The following RORA variants were observed in gnomAD, a reference collection of about 807,000 sequenced individuals.
The protein encoded by RORA is RAR related orphan receptor A.
A neutral mutation model predicts 69.5 loss-of-function variants in RORA; 7 were observed. That is an observed-to-expected ratio of 0.10 (90% CI 0.06 to 0.19). The LOEUF (loss-of-function observed/expected upper bound fraction) is 0.19. RORA is among the 10% of genes least tolerant of loss of function. The pLI, the probability that RORA is intolerant of heterozygous loss-of-function variation, is 1.00. For missense variants in RORA, 457 were observed against 663.0 expected (o/e 0.69, Z 3.41); for synonymous variants, 261 against 240.8 (o/e 1.08, Z -0.78).
intron 1 of RORA, among the ~76,000 whole-genome samples, chr15:61,154,832 G>A (rs754920996): frequency 3.9e-5 from 6 of 152,112 alleles, no homozygotes; most frequent in East Asian, 1.9e-4. Flanking sequence ...CACTGACACC[G>A]TCGGCTGGCT....
intron 1 of RORA, among the ~76,000 whole-genome samples, chr15:60,937,666 G>T (rs573472350): frequency 8.5e-5 from 13 of 152,284 alleles, no homozygotes; most frequent in Admixed American, 3.3e-4. Flanking sequence ...AGACAGTAAG[G>T]TGCAGTGGAG....
At chr15:61,064,462 C>T (rs1203363823) in intron 1 of RORA, among the ~76,000 whole-genome samples, 2 of 152,192 alleles carry the variant, frequency 1.3e-5, no homozygotes, top group South Asian at 2.1e-4. Context: ...TAACCTACTA[C>T]TCCCACACAA....
chr15:60,535,344 A>T (rs115692395), intron 2 of RORA, among the ~76,000 whole-genome samples: 2 of 152,190 alleles, frequency 1.3e-5, no homozygotes, highest in Non-Finnish European at 2.9e-5. Flanking sequence ...GAAAAATTCT[A>T]ATTTGCCCAC....
At chr15:61,073,840 C>T (rs1388680125) in intron 1 of RORA, among the ~76,000 whole-genome samples, 2 of 152,162 alleles carry the variant, frequency 1.3e-5, no homozygotes, top group Non-Finnish European at 2.9e-5. Flanking sequence ...AATGTTTTGG[C>T]ACCCTAAATG....
intron 1 of RORA, among the ~76,000 whole-genome samples, chr15:60,930,017 C>G (rs1364171996): frequency 1.3e-5 from 2 of 152,156 alleles, no homozygotes; most frequent in African/African-American, 4.8e-5. Context: ...ATTTGTGTTA[C>G]TTAATACTGC....
At chr15:60,665,692 CTTTCT>C (rs1474070621) in intron 2 of RORA, among the ~76,000 whole-genome samples, 1 of 152,114 alleles carries the variant, frequency 6.6e-6, no homozygotes, top group Non-Finnish European at 1.5e-5. Flanking sequence ...CCTATTCTTT[CTTTCT>C]TTTCTTTTTT....
At chr15:60,765,151 A>T (rs2071966734) in intron 1 of RORA, 1 of 152,048 alleles carries the variant, frequency 6.6e-6, no homozygotes, top group Non-Finnish European at 1.5e-5. Flanking sequence ...GCCCATTTCT[A>T]ATTCCCCCTT....
chr15:60,511,684 G>A lies in RORA; in HGVS notation c.425-63C>T, dbSNP rs1170263226. On this transcript the variant is annotated intron_variant, in intron 4 of 10. Transcript: ENST00000335670. This position sits in a 1 kb window ranked among gnomAD's most constrained non-coding sequence, Gnocchi z 6.4. ...GCTTTTCTTCAATATTCTCTCCTGCGAGCTTTGGGGTTTCCTTTGAAGTCT... is the reference window on the plus strand; with the variant it reads ...GCTTTTCTTCAATATTCTCTCCTGCAAGCTTTGGGGTTTCCTTTGAAGTCT... 12 of 1,485,954 alleles carry A rather than the reference G, an allele frequency of 8.1e-6. No homozygotes were observed. Among genetic ancestry groups the A allele is most frequent in the African/African-American group, 1.4e-5 (1 of 70,856 alleles). 92.0% of individuals were successfully genotyped at this position (1,485,954 alleles called of 1,614,324 possible).
At chr15:61,107,602 C>T (rs782919) in intron 1 of RORA, among the ~76,000 whole-genome samples, 42,181 of 151,076 alleles carry the variant, frequency 0.28, 6,358 homozygotes, top group South Asian at 0.38. Context: ...CTCAAGCACT[C>T]TGGAAGCACC....
intron 2 of RORA, among the ~76,000 whole-genome samples, chr15:60,626,897 C>T (rs892461807): frequency 2.0e-5 from 3 of 152,186 alleles, no homozygotes; most frequent in South Asian, 2.1e-4. Context: ...GAGGGATTCA[C>T]GACCTTCTCC....
intron 1 of RORA, among the ~76,000 whole-genome samples, chr15:60,996,170 AAGTGATTCTCC>A (rs896011828): frequency 6.6e-6 from 1 of 151,864 alleles, no homozygotes; most frequent in African/African-American, 2.4e-5. Context: ...TCCCAGGTTC[AAGTGATTCTCC>A]AGCCTCAGAC....
chr15:60,891,820 C>T (rs1426542068), intron 1 of RORA, among the ~76,000 whole-genome samples: 1 of 152,200 alleles, frequency 6.6e-6, no homozygotes, highest in African/African-American at 2.4e-5. Context: ...AATCCTTTCT[C>T]CCTTCTCCTA....
chr15:60,717,328 G>T (rs939028854), intron 1 of RORA, among the ~76,000 whole-genome samples: 2 of 152,192 alleles, frequency 1.3e-5, no homozygotes, highest in African/African-American at 4.8e-5. Context: ...GTAGATAAAT[G>T]AGAGAATGTA....
At chr15:60,734,491 T>C (rs528204076) in intron 1 of RORA, among the ~76,000 whole-genome samples, 1 of 152,330 alleles carries the variant, frequency 6.6e-6, no homozygotes, top group East Asian at 1.9e-4. Flanking sequence ...GAGATTTGAG[T>C]CTGCTCTCTC....
Position 61,226,946 on chromosome 15 carries a change from A to C in RORA, c.166+2107T>G, listed in dbSNP as rs1195740437. On this transcript the variant is annotated intron_variant, in intron 1 of 10. Coordinates refer to ENST00000335670, the MANE Select transcript of RORA (RefSeq NM_134261.3). This position sits in a 1 kb window ranked among gnomAD's most constrained non-coding sequence, Gnocchi z 4.2. ...GTGCAAGATGTATCCCACTCCTACT[A>C]TGCCCCTCTCCCCTTTTTGCTGAGC... Among the ~76,000 whole-genome samples the C allele has an allele frequency of 6.6e-6, 1 of 151,986 alleles. No individual in the cohort carries two copies. The highest frequency in any genetic ancestry group is 1.5e-5 in the Non-Finnish European group (1 of 67,978).
intron 1 of RORA, among the ~76,000 whole-genome samples, chr15:60,870,664 C>T (rs909650153): frequency 4.6e-5 from 7 of 152,194 alleles, no homozygotes; most frequent in South Asian, 2.1e-4. Flanking sequence ...ACCTACTTGG[C>T]GTCACAAAAG....
chr15:60,746,229 G>C (rs1325230862), intron 1 of RORA, among the ~76,000 whole-genome samples: 3 of 152,124 alleles, frequency 2.0e-5, no homozygotes, highest in African/African-American at 7.2e-5. Flanking sequence ...CATCCCAAAA[G>C]GTGTTAAGTT....
chr15:60,644,154 T>C (rs947441458), intron 2 of RORA, among the ~76,000 whole-genome samples: 3 of 152,222 alleles, frequency 2.0e-5, no homozygotes, highest in Admixed American at 2.0e-4. Flanking sequence ...ACATTTCTTA[T>C]ACAGGCAGCA....
At chr15:61,215,442 A>G (rs556311436) in intron 1 of RORA, among the ~76,000 whole-genome samples, 2 of 152,324 alleles carry the variant, frequency 1.3e-5, no homozygotes, top group East Asian at 1.9e-4. Flanking sequence ...GTTCTCAGAC[A>G]TGGTAATAAG....
Sources: gnomAD v4.1 joint callset for allele counts (sites outside exome capture counted in the v4.1 genomes callset) on GRCh38, gnomAD v4.1.1 for gene constraint, Gnocchi (gnomAD v3.1) non-coding constraint, MANE v1.5 for transcripts, NCBI Gene and HGNC (gene_info 2026-07-23, HGNC 2026-07-21) for gene names.